TNNI3K: variants seen among roughly 807,000 people sequenced by gnomAD.
The protein encoded by TNNI3K is TNNI3 interacting kinase.
TNNI3K carries 140 observed loss-of-function variants against 114.5 expected under a neutral mutation model. The observed-to-expected ratio is 1.22, with a 90% CI of 1.07 to 1.41. The LOEUF (loss-of-function observed/expected upper bound fraction) is 1.41, where lower values mean the gene tolerates loss of function less well. Ranked by LOEUF, TNNI3K falls within the 40% of genes most tolerant of loss-of-function variation. The pLI, the probability that TNNI3K is intolerant of heterozygous loss-of-function variation, is 0.00. For missense variants in TNNI3K, 1,125 were observed against 1,007.6 expected (o/e 1.12, Z -1.58); for synonymous variants, 347 against 347.5 (o/e 1.00, Z 0.02).
intron 23 of TNNI3K, among the ~76,000 whole-genome samples, chr1:74,536,953 G>A (rs917745030): frequency 1.3e-5 from 2 of 152,164 alleles, no homozygotes; most frequent in Admixed American, 1.3e-4. Flanking sequence ...GGATGCACAT[G>A]GGTGGAAACA....
At chr1:74,534,979 C>T (rs1180041801) in intron 23 of TNNI3K, among the ~76,000 whole-genome samples, 1 of 152,186 alleles carries the variant, frequency 6.6e-6, no homozygotes, top group African/African-American at 2.4e-5. Flanking sequence ...AAGCTACTAA[C>T]AGCACACTGA....
At chr1:74,518,584 T>A (rs1188661931) in intron 23 of TNNI3K, among the ~76,000 whole-genome samples, 1 of 152,168 alleles carries the variant, frequency 6.6e-6, no homozygotes, top group Non-Finnish European at 1.5e-5. Context: ...GTGACGAAGC[T>A]TATGGTTCCC....
intron 21 of TNNI3K, 28 bp downstream of exon 21, chr1:74,463,578 A>G (rs200996227): frequency 1.4e-4 from 218 of 1,611,006 alleles, no homozygotes; most frequent in Non-Finnish European, 1.8e-4. Flanking sequence ...CCTCTTAGAA[A>G]ATGTGTTATG....
chr1:74,440,330 G>A (rs757201642), intron 20 of TNNI3K, among the ~76,000 whole-genome samples: 1 of 152,010 alleles, frequency 6.6e-6, no homozygotes, highest in Non-Finnish European at 1.5e-5. Context: ...TAAGGACTTT[G>A]CATCCCTAAA....
At chr1:74,300,630 G>A (rs2100320445) in intron 5 of TNNI3K, among the ~76,000 whole-genome samples, 1 of 152,312 alleles carries the variant, frequency 6.6e-6, no homozygotes, top group African/African-American at 2.4e-5. Flanking sequence ...CCACTAAAAT[G>A]TTGAAATAGG....
At chr1:74,460,020 A>G (rs1667382249) in intron 20 of TNNI3K, among the ~76,000 whole-genome samples, 1 of 152,214 alleles carries the variant, frequency 6.6e-6, no homozygotes, top group African/African-American at 2.4e-5. Flanking sequence ...TTTATCAGTC[A>G]CACTAGCCAC....
chr1:74,430,262 C>A (rs1665830151), intron 17 of TNNI3K, among the ~76,000 whole-genome samples: 1 of 152,000 alleles, frequency 6.6e-6, no homozygotes, highest in Non-Finnish European at 1.5e-5. Flanking sequence ...ATCATTCGAG[C>A]ACTTTAGGTA....
intron 5 of TNNI3K, among the ~76,000 whole-genome samples, chr1:74,284,733 A>AT (rs1362476565): frequency 2.6e-5 from 4 of 152,140 alleles, no homozygotes; most frequent in African/African-American, 7.2e-5. Context: ...GAGGTTGCAC[A>AT]TTTTTTTGTG....
chr1:74,431,934 G>A (rs957858825), intron 17 of TNNI3K, among the ~76,000 whole-genome samples: 1 of 152,016 alleles, frequency 6.6e-6, no homozygotes, highest in African/African-American at 2.4e-5. Flanking sequence ...TAAGCATAAA[G>A]GACTAGTTGA....
intron 17 of TNNI3K, chr1:74,378,621 T>A (rs1286145754): frequency 4.6e-5 from 4 of 86,950 alleles, no homozygotes; most frequent in Admixed American, 2.3e-4. Flanking sequence ...TATATATATA[T>A]ATATATATAT....
rs115210141 is a variant in TNNI3K at position 74,248,710 on chromosome 1, T to C, written c.150-749T>C. On this transcript the variant is annotated intron_variant, in intron 2 of 24. Coordinates refer to ENST00000326637, the MANE Select transcript of TNNI3K (RefSeq NM_015978.3). ...CCAAACTTTCTCTCTGACCTTCTCC[T>C]GTCCTCTTGTCTCTGGCCCCTCATT... is the stretch of plus-strand genomic sequence containing the variant. Among the ~76,000 whole-genome samples the C allele has an allele frequency of 2.2e-3, 334 of 152,272 alleles. 2 individuals carry two copies. Among genetic ancestry groups the C allele is most frequent in the African/African-American group, 7.3e-3 (305 of 41,564 alleles).
At chr1:74,383,199 A>C (rs1357957610) in intron 17 of TNNI3K, among the ~76,000 whole-genome samples, 1 of 152,046 alleles carries the variant, frequency 6.6e-6, no homozygotes, top group Non-Finnish European at 1.5e-5. Flanking sequence ...TGGGTTTGAC[A>C]AAGTTTCTTC....
chr1:74,247,782 G>T (rs970209606), intron 2 of TNNI3K, among the ~76,000 whole-genome samples: 7 of 152,184 alleles, frequency 4.6e-5, no homozygotes, highest in Non-Finnish European at 2.9e-5. Context: ...CAATCCTCCA[G>T]CTAGACATAA....
intron 4 of TNNI3K, among the ~76,000 whole-genome samples, chr1:74,262,752 T>C (rs1655754943): frequency 6.6e-6 from 1 of 152,096 alleles, no homozygotes; most frequent in Admixed American, 6.6e-5. Flanking sequence ...TCTTTCTAAA[T>C]GAACACATTC....
chr1:74,267,274 C>A (rs1055551495), intron 4 of TNNI3K, among the ~76,000 whole-genome samples: 4 of 151,824 alleles, frequency 2.6e-5, no homozygotes, highest in African/African-American at 7.3e-5. Flanking sequence ...AGGTGTGTAC[C>A]ATATTGCTGA....
chr1:74,458,249 G>T (rs1288311859), intron 20 of TNNI3K, among the ~76,000 whole-genome samples: 3 of 152,090 alleles, frequency 2.0e-5, no homozygotes, highest in Non-Finnish European at 4.4e-5. Context: ...TAAATACTCA[G>T]GTTCTCTGTC....
chr1:74,444,731 A>G (rs1246561021), intron 20 of TNNI3K, among the ~76,000 whole-genome samples: 1 of 152,034 alleles, frequency 6.6e-6, no homozygotes, highest in Non-Finnish European at 1.5e-5. Context: ...AGACAATCCT[A>G]AGCAAAAAAA....
intron 5 of TNNI3K, among the ~76,000 whole-genome samples, chr1:74,281,334 ATGTGTG>A (rs149830701): frequency 6.8e-6 from 1 of 147,936 alleles, no homozygotes; most frequent in Non-Finnish European, 1.5e-5. Context: ...ACAATAATAG[ATGTGTG>A]TGTGTGTGTG....
intron 17 of TNNI3K, among the ~76,000 whole-genome samples, chr1:74,391,992 G>A (rs1348797324): frequency 1.7e-5 from 2 of 115,306 alleles, no homozygotes; most frequent in Admixed American, 1.8e-4. Flanking sequence ...TTGAGACGGA[G>A]TCTCGCTCTG....
Sources: allele counts gnomAD v4.1 joint callset (sites outside exome capture counted in the v4.1 genomes callset), GRCh38; gene constraint gnomAD v4.1.1; transcripts MANE v1.5; gene names NCBI Gene and HGNC (gene_info 2026-07-23, HGNC 2026-07-21).